The following CNTNAP4 variants were observed in gnomAD, a reference collection of about 807,000 sequenced individuals.
CNTNAP4 encodes contactin-associated protein-like 4.
CNTNAP4 carries 98 observed loss-of-function variants against 148.4 expected under a neutral mutation model. The observed-to-expected ratio is 0.66, with a 90% CI of 0.56 to 0.78. CNTNAP4 has a LOEUF of 0.78. CNTNAP4 is among the 30% of genes least tolerant of loss of function. CNTNAP4 has a pLI of 0.00. For missense variants in CNTNAP4, 1,935 were observed against 1,565.6 expected, an observed-to-expected ratio of 1.24 and a Z score of -3.98; for synonymous variants, 730 against 565.1, an observed-to-expected ratio of 1.29 and a Z score of -4.14.
At chr16:76,454,893 A>G (rs964404174) in intron 8 of CNTNAP4, among the ~76,000 whole-genome samples, 11 of 152,208 alleles carry the variant, frequency 7.2e-5, no homozygotes, top group Non-Finnish European at 1.3e-4. Flanking sequence ...TATTTTACAA[A>G]TCTTATATGT....
At chr16:76,436,579 G>A (rs896472160) in intron 4 of CNTNAP4, among the ~76,000 whole-genome samples, 3 of 152,110 alleles carry the variant, frequency 2.0e-5, no homozygotes, top group Admixed American at 1.3e-4. Context: ...CAGAATCCCT[G>A]AGTTCATCAT....
intron 2 of CNTNAP4, among the ~76,000 whole-genome samples, chr16:76,342,841 C>G (rs929202162): frequency 2.0e-5 from 3 of 152,136 alleles, no homozygotes; most frequent in African/African-American, 7.2e-5. Flanking sequence ...TTTCAGAAAA[C>G]AGATATAATA....
chr16:76,304,706 C>T (rs373608791), intron 1 of CNTNAP4, among the ~76,000 whole-genome samples: 7 of 152,140 alleles, frequency 4.6e-5, no homozygotes, highest in African/African-American at 7.2e-5. Flanking sequence ...TCGCCACATC[C>T]GCCTTCAAAA....
chr16:76,468,684 C>T (rs146721144), intron 10 of CNTNAP4, among the ~76,000 whole-genome samples: 2 of 151,820 alleles, frequency 1.3e-5, no homozygotes, highest in East Asian at 2.0e-4. Context: ...CAGGGTTTTG[C>T]CATGTTCAGG....
intron 3 of CNTNAP4, among the ~76,000 whole-genome samples, chr16:76,357,384 C>T (rs2012824149): frequency 6.6e-6 from 1 of 152,180 alleles, no homozygotes; most frequent in Non-Finnish European, 1.5e-5. Context: ...AAGCCAAACC[C>T]AGGCACTGCC....
intron 1 of CNTNAP4, among the ~76,000 whole-genome samples, chr16:76,315,794 C>T (rs2144085164): frequency 6.6e-6 from 1 of 152,020 alleles, no homozygotes; most frequent in East Asian, 1.9e-4. Context: ...GGGGTTTCAC[C>T]ATGTTGGCTA....
intron 4 of CNTNAP4, among the ~76,000 whole-genome samples, chr16:76,447,572 T>A (rs1339355487): frequency 2.4e-4 from 36 of 152,150 alleles, no homozygotes; most frequent in Admixed American, 2.3e-3. Context: ...TACAGTTTTT[T>A]GACTTTACAG....
chr16:76,434,226 C>A (rs1223262046), intron 4 of CNTNAP4, among the ~76,000 whole-genome samples: 18 of 151,528 alleles, frequency 1.2e-4, no homozygotes, highest in African/African-American at 4.1e-4. Flanking sequence ...TAAGTATTAT[C>A]GTTAAGTAGT....
At chr16:76,460,773 A>AAATATATATATATATAT in intron 8 of CNTNAP4, among the ~76,000 whole-genome samples, 2 of 57,328 alleles carry the variant, frequency 3.5e-5, no homozygotes, top group African/African-American at 6.4e-5. Flanking sequence ...AAAAAAAAAA[A>AAATATATATATATATAT]ATATATATAT....
intron 3 of CNTNAP4, among the ~76,000 whole-genome samples, chr16:76,360,862 G>C (rs2013338594): frequency 6.8e-6 from 1 of 146,384 alleles, no homozygotes; most frequent in Non-Finnish European, 1.5e-5. Context: ...TGTTGCCCAG[G>C]CTGGAGTGCA....
chr16:76,490,179 G>A (rs2082162596), intron 13 of CNTNAP4, among the ~76,000 whole-genome samples: 1 of 152,200 alleles, frequency 6.6e-6, no homozygotes, highest in Admixed American at 6.5e-5. Context: ...CTCAGTGAAT[G>A]CACAGTGTTT....
intron 13 of CNTNAP4, among the ~76,000 whole-genome samples, chr16:76,493,034 G>A (rs561683258): frequency 1.3e-5 from 2 of 152,076 alleles, no homozygotes; most frequent in East Asian, 3.9e-4. Flanking sequence ...ATGGAAGAGG[G>A]GATCTAGAAA....
intron 12 of CNTNAP4, among the ~76,000 whole-genome samples, chr16:76,484,047 C>G (rs2081935064): frequency 6.6e-6 from 1 of 151,214 alleles, no homozygotes; most frequent in East Asian, 1.9e-4. Flanking sequence ...TCAACATTTA[C>G]TTTTTTATAT....
rs1404506420 is a variant in CNTNAP4, at chr16:76,559,617, C to G, written c.*934C>G. ...TACTTATGAGACTATTTTGCCCAAA[C>G]CTAGATCAGTCCTTTATTGGTTTAC... On this transcript the variant is annotated 3_prime_UTR_variant, in exon 24 of 24. Coordinates refer to ENST00000611870, the MANE Select transcript of CNTNAP4 (RefSeq NM_033401.5). Among the ~76,000 whole-genome samples the G allele has an allele frequency of 6.6e-6, 1 of 152,086 alleles. No individual in the cohort carries two copies. The highest frequency in any genetic ancestry group is 1.5e-5 in the Non-Finnish European group (1 of 68,012).
chr16:76,542,924 C>A (rs1359036452), intron 21 of CNTNAP4, among the ~76,000 whole-genome samples: 1 of 152,136 alleles, frequency 6.6e-6, no homozygotes, highest in African/African-American at 2.4e-5. Context: ...ATATATTCAA[C>A]ATATTATAAA....
intron 2 of CNTNAP4, among the ~76,000 whole-genome samples, chr16:76,339,188 G>C (rs2144330233): frequency 7.1e-6 from 1 of 141,650 alleles, no homozygotes; most frequent in Middle Eastern, 3.5e-3. Context: ...TTAAAAGAGT[G>C]GTCTTTTTAA....
intron 15 of CNTNAP4, among the ~76,000 whole-genome samples, chr16:76,518,155 T>C (rs1039623743): frequency 6.6e-6 from 1 of 151,900 alleles, no homozygotes; most frequent in African/African-American, 2.4e-5. Flanking sequence ...TGATGCAGAG[T>C]CTCATTCTGT....
At chr16:76,552,009 T>C (rs12599551) in intron 21 of CNTNAP4, among the ~76,000 whole-genome samples, 29,401 of 152,142 alleles carry the variant, frequency 0.19, 3,541 homozygotes, top group Middle Eastern at 0.31. Flanking sequence ...AGAGGTGTAA[T>C]CAACACAGTT....
At chr16:76,391,732 A>T (rs900934800) in intron 3 of CNTNAP4, among the ~76,000 whole-genome samples, 1 of 152,190 alleles carries the variant, frequency 6.6e-6, no homozygotes, top group Non-Finnish European at 1.5e-5. Context: ...TGAGTAACAC[A>T]ATTCTATAGC....
Sources: gnomAD v4.1 joint callset for allele counts (sites outside exome capture counted in the v4.1 genomes callset) on GRCh38, gnomAD v4.1.1 for gene constraint, MANE v1.5 for transcripts, NCBI Gene and HGNC (gene_info 2026-07-23, HGNC 2026-07-21) for gene names.